Variants in PTPRM observed in about 807,000 individuals in gnomAD.
PTPRM encodes receptor-type tyrosine-protein phosphatase mu.
Under a neutral mutation model 186.7 loss-of-function variants are expected in PTPRM, and 47 were observed. The ratio of observed to expected loss-of-function variants is 0.25; its 90% confidence interval spans 0.20 to 0.32. PTPRM has a LOEUF of 0.32. Ranked by LOEUF, PTPRM falls within the 10% of genes least tolerant of loss-of-function variation. The pLI is 1.00. For synonymous variants in PTPRM, 668 were observed against 674.9 expected (o/e 0.99, Z 0.16); for missense variants, 1,494 against 1,865.0 (o/e 0.80, Z 3.66).
chr18:7,666,045 G>A (rs1264613549), intron 1 of PTPRM, among the ~76,000 whole-genome samples: 1 of 152,144 alleles, frequency 6.6e-6, no homozygotes, highest in Non-Finnish European at 1.5e-5. Flanking sequence ...GATCTTAGGA[G>A]AAAGACATGC....
intron 14 of PTPRM, among the ~76,000 whole-genome samples, chr18:8,243,479 G>T (rs2094450514): frequency 6.6e-6 from 1 of 152,212 alleles, no homozygotes; most frequent in African/African-American, 2.4e-5. Context: ...TCCTCCTACA[G>T]CCTGAGCTCT....
chr18:7,949,725 G>A (rs1373460652), intron 6 of PTPRM, among the ~76,000 whole-genome samples: 1 of 152,084 alleles, frequency 6.6e-6, no homozygotes. Flanking sequence ...TGATAGCAGA[G>A]TGGTTAATAA....
At chr18:7,954,462 T>C (rs2053184088) in intron 6 of PTPRM, among the ~76,000 whole-genome samples, 1 of 152,224 alleles carries the variant, frequency 6.6e-6, no homozygotes. Flanking sequence ...TGAGTCATCC[T>C]GGAAATGTAT....
In PTPRM at chr18:7,949,298, A is replaced by C. The variant is rs1445685879; in HGVS notation, c.781A>C (p.Met261Leu). Residue 261 changes from methionine to leucine, a missense_variant, in exon 6 of 33, where the codon ATG becomes CTG. Transcript: ENST00000580170. ...ACGAGATGCTGGAAAGTACCGCTGCATGATTCGCACTGAAGGAGGTGTTGG... is the reference window on the plus strand; with the variant it reads ...ACGAGATGCTGGAAAGTACCGCTGCCTGATTCGCACTGAAGGAGGTGTTGG... ...TKRDAGKYRC[M>L]IRTEGGVGIS... 1 of 1,614,060 alleles carries C rather than the reference A, an allele frequency of 6.2e-7. No individual in the cohort carries two copies. The highest frequency in any genetic ancestry group is 1.3e-5 in the African/African-American group (1 of 74,946).
Position 8,376,088 on chromosome 18 carries a change from A to G in PTPRM, c.3214A>G (p.Thr1072Ala), listed in dbSNP as rs756427070. 25 of 1,613,796 alleles carry G rather than the reference A, an allele frequency of 1.5e-5. No individual in the cohort carries two copies. The highest frequency in any genetic ancestry group is 2.1e-5 in the Non-Finnish European group (25 of 1,179,834). The change falls in exon 25 of 33, where the codon ACT becomes GCT. Residue 1072 changes from threonine (T) to alanine (A), a missense_variant. Thr to Ala is a moderately conservative substitution (Grantham distance 58). Around this residue, in one of 3 missense-constraint regions of PTPRM, gnomAD observed 1,107 missense variants for 1,350.2 expected, o/e 0.82. Transcript: ENST00000580170. ...EIREIRQFHF[T>A]GWPDHGVPYH... is the part of the protein sequence containing the mutation. ...CCGAGAGATCAGACAGTTTCACTTC[A>G]CTGGCTGGCCGGATCATGGGGTCCC...
intron 24 of PTPRM, among the ~76,000 whole-genome samples, chr18:8,371,452 C>T (rs1300165245): frequency 1.3e-5 from 2 of 152,164 alleles, no homozygotes; most frequent in African/African-American, 2.4e-5. Context: ...TCTCTCACTT[C>T]CTTGTGGCTT....
At chr18:8,143,829 G>A in intron 14 of PTPRM, 50 bp downstream of exon 14, 1 of 1,600,358 alleles carries the variant, frequency 6.2e-7, no homozygotes. Flanking sequence ...ATTGTTTGCT[G>A]GAATGTTTTG....
chr18:8,179,942 A>G lies in PTPRM; in HGVS notation c.2300+36163A>G, dbSNP rs117864810. On this transcript the variant is annotated intron_variant, in intron 14 of 32. Coordinates refer to ENST00000580170, the MANE Select transcript of PTPRM (RefSeq NM_001105244.2). ...GTCATTTTCCTTCTATTAGGAAGTG[A>G]TGGTTTGTACTACATGTTGCTGTGT... Among the ~76,000 whole-genome samples the G allele has an allele frequency of 7.6e-3, 1,163 of 152,282 alleles. 8 individuals carry two copies. The highest frequency in any genetic ancestry group is 0.034 in the Middle Eastern group (10 of 294).
chr18:7,725,239 G>C (rs1198484719), intron 1 of PTPRM, among the ~76,000 whole-genome samples: 2 of 152,150 alleles, frequency 1.3e-5, no homozygotes, highest in Non-Finnish European at 2.9e-5. Context: ...GGGTCCTTTT[G>C]TAAGGCAACT....
At chr18:7,726,720 C>G (rs1329101871) in intron 1 of PTPRM, among the ~76,000 whole-genome samples, 1 of 152,146 alleles carries the variant, frequency 6.6e-6, no homozygotes, top group East Asian at 1.9e-4. Flanking sequence ...AATGGTGTTC[C>G]AAACTGGACT....
intron 7 of PTPRM, among the ~76,000 whole-genome samples, chr18:7,960,355 G>A (rs1599731512): frequency 6.6e-6 from 1 of 151,330 alleles, no homozygotes; most frequent in Non-Finnish European, 1.5e-5. Flanking sequence ...CGTATTTGCC[G>A]GGCACTATTC....
chr18:8,138,751 G>A (rs566010719), intron 13 of PTPRM, among the ~76,000 whole-genome samples: 1 of 152,256 alleles, frequency 6.6e-6, no homozygotes, highest in Admixed American at 6.5e-5. Context: ...CTTCCCTCCA[G>A]CAGGCAGCTC....
intron 2 of PTPRM, among the ~76,000 whole-genome samples, chr18:7,846,726 C>T (rs1395442432): frequency 1.3e-5 from 2 of 152,214 alleles, no homozygotes; most frequent in Non-Finnish European, 2.9e-5. Flanking sequence ...AGTGAACTGA[C>T]TCTTGCCTGC....
intron 1 of PTPRM, among the ~76,000 whole-genome samples, chr18:7,627,862 G>A (rs1323255480): frequency 1.3e-5 from 2 of 152,066 alleles, no homozygotes; most frequent in African/African-American, 4.8e-5. Context: ...GGTGTTGTGC[G>A]GTGCTACAGT....
chr18:7,911,294 G>T (rs2050249530), intron 4 of PTPRM, among the ~76,000 whole-genome samples: 1 of 152,172 alleles, frequency 6.6e-6, no homozygotes, highest in African/African-American at 2.4e-5. Context: ...GAGCAGAATT[G>T]CTGGGTAGCA....
At chr18:7,960,480 T>C (rs4798606) in intron 7 of PTPRM, among the ~76,000 whole-genome samples, 43,757 of 86,456 alleles carry the variant, frequency 0.51, 8,389 homozygotes, top group Middle Eastern at 0.58. Flanking sequence ...TATATATATA[T>C]ACACACACAC....
chr18:8,306,609 T>C (rs2095224946), intron 20 of PTPRM, among the ~76,000 whole-genome samples: 1 of 152,228 alleles, frequency 6.6e-6, no homozygotes, highest in Admixed American at 6.5e-5. Context: ...AATTGACCTG[T>C]TGTTAACCAC....
At chr18:8,172,227 A>G (rs1011979197) in intron 14 of PTPRM, among the ~76,000 whole-genome samples, 4 of 151,638 alleles carry the variant, frequency 2.6e-5, no homozygotes, top group Admixed American at 1.3e-4. Flanking sequence ...AAAGATACAG[A>G]TAAAGCACTG....
intron 10 of PTPRM, among the ~76,000 whole-genome samples, chr18:8,087,347 G>A (rs762674333): frequency 3.9e-5 from 6 of 151,958 alleles, no homozygotes; most frequent in South Asian, 2.1e-4. Flanking sequence ...GTATTAGTCC[G>A]TTCTCACACT....
Sources: gnomAD v4.1 joint callset for allele counts (sites outside exome capture counted in the v4.1 genomes callset) on GRCh38, gnomAD v4.1.1 for gene constraint, gnomAD v4.1.1 regional missense constraint, MANE v1.5 for transcripts, NCBI Gene and HGNC (gene_info 2026-07-23, HGNC 2026-07-21) for gene names.